The following NBAS variants were observed in gnomAD, a reference collection of about 807,000 sequenced individuals.
The protein encoded by NBAS is NBAS subunit of NRZ tethering complex.
A neutral mutation model predicts 302.5 loss-of-function variants in NBAS; 219 were observed. The ratio of observed to expected loss-of-function variants is 0.72; its 90% CI spans 0.65 to 0.81. The LOEUF (loss-of-function observed/expected upper bound fraction) is 0.81, where lower values mean the gene tolerates loss of function less well. Among genes scored for constraint, NBAS ranks in the 30% least tolerant of loss-of-function variants. The pLI, the probability that NBAS is intolerant of heterozygous loss-of-function variation, is 0.00. For missense variants in NBAS, 2,932 were observed against 2,841.6 expected (o/e 1.03, Z -0.72); for synonymous variants, 1,118 against 1,021.6 (o/e 1.09, Z -1.80).
Position 15,190,329 on chromosome 2 carries a change from G to T in NBAS, c.6507C>A (p.His2169Gln). 2 of 1,613,960 alleles carry T rather than the reference G, an allele frequency of 1.2e-6. No homozygotes were observed. Among genetic ancestry groups the T allele is most frequent in the Non-Finnish European group, 1.7e-6 (2 of 1,179,924 alleles). The change falls in exon 49 of 52, where the codon CAC becomes CAA. Residue 2169 changes from histidine (H) to glutamine (Q), a missense_variant. Physicochemically the swap from His to Gln is conservative, Grantham distance 24. Transcript: ENST00000281513. The part of the protein sequence containing the change: ...LFMELLESSH[H>Q]EAEFQHLVLL... ...AAACCAAGTGCTGAAATTCAGCCTC[G>T]TGGTGACTAGATTCCAGGAGTTCCA...
chr2:14,991,182 A>G, the NBAS span, among the ~76,000 whole-genome samples: 1 of 152,094 alleles, frequency 6.6e-6, no homozygotes, highest in South Asian at 2.1e-4. Flanking sequence ...AAATCAAGTG[A>G]TACCCAGCTC....
intron 11 of NBAS, among the ~76,000 whole-genome samples, chr2:15,501,656 C>T (rs1307975216): frequency 7.5e-6 from 1 of 134,056 alleles, no homozygotes; most frequent in African/African-American, 2.8e-5. Context: ...GTGGCAGGAT[C>T]TCGGCTCACT....
At chr2:15,172,209 T>C (rs1274027759) in intron 51 of NBAS, among the ~76,000 whole-genome samples, 2 of 152,202 alleles carry the variant, frequency 1.3e-5, no homozygotes, top group Non-Finnish European at 2.9e-5. Context: ...TTAGGAGATA[T>C]GTAATGGTAC....
intron 45 of NBAS, 112 bp from the exon 46 acceptor site, chr2:15,234,859 C>T: frequency 9.2e-7 from 1 of 1,085,542 alleles, no homozygotes; most frequent in South Asian, 1.3e-5. Context: ...AAAGCAGCAA[C>T]ACCATACCAA....
chr2:14,816,859 C>G, the NBAS span, among the ~76,000 whole-genome samples: 1 of 152,156 alleles, frequency 6.6e-6, no homozygotes, highest in Non-Finnish European at 1.5e-5. Flanking sequence ...ACACAGCACA[C>G]TGCAGATGTG....
the NBAS span, among the ~76,000 whole-genome samples, chr2:15,079,215 T>C: frequency 3.3e-5 from 5 of 152,004 alleles, no homozygotes; most frequent in African/African-American, 1.2e-4. Context: ...TTCTGAAAAG[T>C]AGGAGTATGA....
the NBAS span, among the ~76,000 whole-genome samples, chr2:14,930,017 A>T: frequency 6.6e-6 from 1 of 152,128 alleles, no homozygotes; most frequent in Non-Finnish European, 1.5e-5. Flanking sequence ...CCATGGTAAG[A>T]TGTGCTTTCC....
At chr2:14,817,549 T>G in the NBAS span, among the ~76,000 whole-genome samples, 4 of 152,310 alleles carry the variant, frequency 2.6e-5, no homozygotes, top group South Asian at 8.3e-4. Flanking sequence ...AAAAGTATGT[T>G]TGAATTAAAC....
At chr2:15,317,601 C>G (rs1671575690) in intron 38 of NBAS, among the ~76,000 whole-genome samples, 1 of 152,098 alleles carries the variant, frequency 6.6e-6, no homozygotes, top group Admixed American at 6.5e-5. Flanking sequence ...CTTCATGATG[C>G]ATGCACAAGC....
At chr2:15,383,426 A>G (rs1675142169) in intron 28 of NBAS, 109 bp from the exon 29 acceptor site, 3 of 788,670 alleles carry the variant, frequency 3.8e-6, no homozygotes, top group Non-Finnish European at 6.7e-6. Flanking sequence ...ACCACTCTAT[A>G]TCCACATCAG....
chr2:15,338,743 C>T (rs1384016321), intron 35 of NBAS, among the ~76,000 whole-genome samples: 1 of 151,760 alleles, frequency 6.6e-6, no homozygotes, highest in Non-Finnish European at 1.5e-5. Flanking sequence ...GGTGCAGTGG[C>T]TCACGCCTGT....
the NBAS span, among the ~76,000 whole-genome samples, chr2:15,029,473 G>A: frequency 6.6e-6 from 1 of 152,188 alleles, no homozygotes; most frequent in African/African-American, 2.4e-5. Flanking sequence ...TCAGAAAGGG[G>A]GGAAAATGAG....
the NBAS span, among the ~76,000 whole-genome samples, chr2:14,856,752 C>G: frequency 6.7e-4 from 102 of 151,962 alleles, no homozygotes; most frequent in Non-Finnish European, 1.3e-3. Flanking sequence ...TGAAAATACA[C>G]AGAGGAGACA....
At chr2:15,436,954 T>C (rs1346013768) in intron 21 of NBAS, among the ~76,000 whole-genome samples, 1 of 152,184 alleles carries the variant, frequency 6.6e-6, no homozygotes, top group Admixed American at 6.5e-5. Flanking sequence ...GATGATTATG[T>C]ATAAATAAAT....
intron 12 of NBAS, among the ~76,000 whole-genome samples, chr2:15,478,824 T>A (rs1455770715): frequency 6.6e-6 from 1 of 152,196 alleles, no homozygotes; most frequent in South Asian, 2.1e-4. Context: ...CTTAGGGCAA[T>A]ATGGTGTCAT....
Position 15,183,601 on chromosome 2 carries a change from T to A in NBAS, c.6711+3141A>T, listed in dbSNP as rs567253021. On this transcript the variant is annotated intron_variant, in intron 50 of 51. Coordinates refer to ENST00000281513, the MANE Select transcript of NBAS (RefSeq NM_015909.4). Reference sequence around the variant, plus strand: ...GCATTTTCTCATCCAGCTTAACCTCTTCTTTCACAGACCAGAAAACAAAGA... The same window carrying A: ...GCATTTTCTCATCCAGCTTAACCTCATCTTTCACAGACCAGAAAACAAAGA... 4.7e-4 allele frequency among the ~76,000 whole-genome samples: 71 copies of A among 152,340 alleles called. No homozygotes were observed. In the South Asian group the frequency reaches 0.014, roughly 31 times the overall value.
intron 9 of NBAS, among the ~76,000 whole-genome samples, chr2:15,516,722 CAAAAAAAAAA>C (rs67488599): frequency 2.9e-5 from 4 of 136,008 alleles, no homozygotes; most frequent in African/African-American, 8.1e-5. Flanking sequence ...GACTCCATTT[CAAAAAAAAAA>C]AAAAAAAAAA....
chr2:14,846,567 T>C, the NBAS span, among the ~76,000 whole-genome samples: 2 of 151,938 alleles, frequency 1.3e-5, no homozygotes, highest in Non-Finnish European at 2.9e-5. Context: ...TGTAAACTAT[T>C]TTTAAATAGA....
chr2:15,356,032 C>T lies in NBAS; in HGVS notation c.3931+271G>A, dbSNP rs73914840. Among the ~76,000 whole-genome samples the T allele has an allele frequency of 0.071, 10,732 of 152,134 alleles. 461 individuals carry two copies. Among genetic ancestry groups the T allele is most frequent in the East Asian group, 0.11 (584 of 5,176 alleles). On this transcript the variant is annotated intron_variant, in intron 33 of 51. Transcript: ENST00000281513. ...CAGGAAATGGCATTGAAATATTTTG[C>T]ATAAAATTATTTTTAAATTACGAGC... is the stretch of plus-strand genomic sequence containing the variant.
Sources: allele counts gnomAD v4.1 joint callset (sites outside exome capture counted in the v4.1 genomes callset), GRCh38; gene constraint gnomAD v4.1.1; transcripts MANE v1.5; gene names NCBI Gene and HGNC (gene_info 2026-07-23, HGNC 2026-07-21).